The following LYRM4 variants were observed in gnomAD, a reference collection of about 807,000 sequenced individuals.
LYRM4 encodes LYR motif-containing protein 4.
In LYRM4, 9 loss-of-function variants were observed where a neutral mutation model predicts 11.7. The observed-to-expected ratio is 0.77, with a 90% confidence interval of 0.46 to 1.34. The LOEUF is 1.34. LYRM4 is among the 40% of genes most tolerant of loss of function. The pLI is 0.00. For synonymous variants in LYRM4, 42 were observed against 40.4 expected, an observed-to-expected ratio of 1.04 and a Z score of -0.15; for missense variants, 133 against 112.5, an observed-to-expected ratio of 1.18 and a Z score of -0.82.
the LYRM4 span, among the ~76,000 whole-genome samples, chr6:5,040,854 T>C: frequency 7.1e-6 from 1 of 140,010 alleles, no homozygotes; most frequent in Admixed American, 7.9e-5. Flanking sequence ...CATTTGACAA[T>C]CCAATTTTGT....
chr6:5,125,085 C>T (rs1188491598), intron 2 of LYRM4, among the ~76,000 whole-genome samples: 1 of 152,184 alleles, frequency 6.6e-6, no homozygotes, highest in African/African-American at 2.4e-5. Flanking sequence ...GAACTGTGAG[C>T]ATCTTCCTGG....
chr6:5,164,032 A>G (rs1758925916), intron 2 of LYRM4, among the ~76,000 whole-genome samples: 1 of 152,220 alleles, frequency 6.6e-6, no homozygotes, highest in South Asian at 2.1e-4. Context: ...CTCGTTAGAG[A>G]AATTCAAATT....
intron 2 of LYRM4, among the ~76,000 whole-genome samples, chr6:5,210,583 T>C (rs1326588802): frequency 6.6e-6 from 1 of 152,144 alleles, no homozygotes; most frequent in African/African-American, 2.4e-5. Flanking sequence ...AGTGCAGCAG[T>C]GTTAAGTATA....
At chr6:5,094,315 C>G in the LYRM4 span, among the ~76,000 whole-genome samples, 6 of 152,154 alleles carry the variant, frequency 3.9e-5, no homozygotes, top group South Asian at 1.2e-3. Flanking sequence ...GATCTCATCT[C>G]TATAAAAAAA....
At chr6:5,233,519 C>G (rs919021146) in intron 1 of LYRM4, among the ~76,000 whole-genome samples, 10 of 152,244 alleles carry the variant, frequency 6.6e-5, no homozygotes, top group Non-Finnish European at 1.5e-5. Flanking sequence ...AAATGCTGAT[C>G]TGCACAAAAC....
At chr6:5,060,830 AT>A in the LYRM4 span, among the ~76,000 whole-genome samples, 1 of 152,126 alleles carries the variant, frequency 6.6e-6, no homozygotes, top group Non-Finnish European at 1.5e-5. Flanking sequence ...GCCCAGCTAT[AT>A]TTTTCAATTT....
intron 2 of LYRM4, among the ~76,000 whole-genome samples, chr6:5,144,624 CAAAAAAAAAAAAAAAAA>C (rs71540849): frequency 5.3e-5 from 2 of 37,600 alleles, no homozygotes; most frequent in South Asian, 2.0e-3. Context: ...GACTCCGTCT[CAAAAAAAAAAAAAAAAA>C]AAAAAAAAAA....
chr6:5,235,987 C>CT (rs1334531505), intron 1 of LYRM4, among the ~76,000 whole-genome samples: 3 of 152,134 alleles, frequency 2.0e-5, no homozygotes, highest in Non-Finnish European at 4.4e-5. Flanking sequence ...TTGACACTAT[C>CT]TGAGAGGGAA....
chr6:5,165,931 C>A (rs957326729), intron 2 of LYRM4, among the ~76,000 whole-genome samples: 28 of 152,080 alleles, frequency 1.8e-4, no homozygotes, highest in African/African-American at 6.8e-4. Flanking sequence ...AAAAAATTCT[C>A]AAATGAAACT....
the LYRM4 span, chr6:5,085,979 G>A: frequency 3.3e-6 from 5 of 1,526,896 alleles, no homozygotes; most frequent in Non-Finnish European, 4.4e-6. Context: ...TCGCGCCTCC[G>A]AAGCTTCCCT....
chr6:5,116,529 G>A (rs1249007299), intron 2 of LYRM4, among the ~76,000 whole-genome samples: 1 of 152,216 alleles, frequency 6.6e-6, no homozygotes, highest in Non-Finnish European at 1.5e-5. Context: ...GGTGCTAATG[G>A]CAGAGAACGA....
chr6:5,241,862 A>C (rs1382683630), intron 1 of LYRM4, among the ~76,000 whole-genome samples: 1 of 134,370 alleles, frequency 7.4e-6, no homozygotes, highest in African/African-American at 3.4e-5. Context: ...TAAAATGGTG[A>C]TACATCGTGC....
chr6:5,144,421 A>G (rs1757583031), intron 2 of LYRM4, among the ~76,000 whole-genome samples: 1 of 151,990 alleles, frequency 6.6e-6, no homozygotes, highest in African/African-American at 2.4e-5. Flanking sequence ...GCAGATCACA[A>G]GCTCAGGAGA....
chr6:5,174,985 C>T (rs1759637762), intron 2 of LYRM4, among the ~76,000 whole-genome samples: 2 of 152,338 alleles, frequency 1.3e-5, no homozygotes, highest in South Asian at 4.1e-4. Flanking sequence ...CATTCATGTG[C>T]AGATGAAGGA....
chr6:5,098,621 T>C, the LYRM4 span, among the ~76,000 whole-genome samples: 1 of 148,984 alleles, frequency 6.7e-6, no homozygotes, highest in Non-Finnish European at 1.5e-5. Context: ...TTATCTGTCA[T>C]AGTCAAAAGC....
the LYRM4 span, among the ~76,000 whole-genome samples, chr6:5,090,733 C>T: frequency 2.6e-5 from 4 of 152,186 alleles, no homozygotes; most frequent in Admixed American, 6.5e-5. The surrounding 1 kb of genome is among the most constrained non-coding windows in gnomAD (Gnocchi z 4.8). Flanking sequence ...ACAAGGAGGC[C>T]GCCCACAGCC....
At chr6:5,210,855 T>A (rs1057038662) in intron 2 of LYRM4, among the ~76,000 whole-genome samples, 1 of 152,240 alleles carries the variant, frequency 6.6e-6, no homozygotes, top group African/African-American at 2.4e-5. Flanking sequence ...TGTTCCTTTT[T>A]AAGGCTGAAT....
At chr6:5,122,560 A>G (rs1763505447) in intron 2 of LYRM4, among the ~76,000 whole-genome samples, 1 of 152,308 alleles carries the variant, frequency 6.6e-6, no homozygotes, top group East Asian at 1.9e-4. Flanking sequence ...TCAAATCGTC[A>G]GGAATGAACA....
At position 5,109,145 on chromosome 6, in the gene LYRM4, G is replaced by A. The variant is rs1762763492; in HGVS notation, c.*278C>T. On this transcript the variant is annotated 3_prime_UTR_variant, in exon 3 of 3. Transcript: ENST00000330636. ...GAAATGCTATACACAATGGTCATGA[G>A]CTACAAGGTAGGAATGGGGTGCAGG... 1.6e-6 allele frequency: 2 copies of A among 1,282,394 alleles called. No homozygotes were observed. Among genetic ancestry groups the A allele is most frequent in the Non-Finnish European group, 2.0e-6 (2 of 1,007,188 alleles). The allele number at this position is 1,282,394 out of a possible 1,614,324, so 79.4% of individuals were successfully genotyped here.
Sources: gnomAD v4.1 joint callset for allele counts (sites outside exome capture counted in the v4.1 genomes callset) on GRCh38, gnomAD v4.1.1 for gene constraint, Gnocchi (gnomAD v3.1) non-coding constraint, MANE v1.5 for transcripts, NCBI Gene and HGNC (gene_info 2026-07-23, HGNC 2026-07-21) for gene names.